CMIP: variants seen among roughly 807,000 people sequenced by gnomAD.
CMIP encodes C-Maf-inducing protein.
A neutral mutation model predicts 97.3 loss-of-function variants in CMIP; 13 were observed. The observed-to-expected ratio is 0.13, with a 90% CI of 0.09 to 0.21. The LOEUF (loss-of-function observed/expected upper bound fraction) is 0.21, where lower values mean the gene tolerates loss of function less well. Ranked by LOEUF, CMIP falls within the 10% of genes least tolerant of loss-of-function variation. The pLI, the probability that CMIP is intolerant of heterozygous loss-of-function variation, is 1.00. For synonymous variants in CMIP, 538 were observed against 436.3 expected, an observed-to-expected ratio of 1.23 and a Z score of -2.91; for missense variants, 847 against 1,024.9, an observed-to-expected ratio of 0.83 and a Z score of 2.37.
Position 81,570,968 on chromosome 16 carries a change from A to G in CMIP, c.301-36599A>G, listed in dbSNP as rs1313365018. ...TCGTGAAACAGAAAAGGGACATTAG[A>G]GAAAAAAACTGAGGAACTCTGAATC... On this transcript the variant is annotated intron_variant, in intron 1 of 20. Coordinates refer to ENST00000537098, the MANE Select transcript of CMIP (RefSeq NM_198390.3). Among the ~76,000 whole-genome samples, 4 of 152,198 alleles carry G rather than the reference A, an allele frequency of 2.6e-5. No homozygotes were observed. The East Asian group carries it at 7.7e-4, about 29-fold the overall frequency.
At chr16:81,473,849 T>C (rs1204398968) in intron 1 of CMIP, among the ~76,000 whole-genome samples, 1 of 149,970 alleles carries the variant, frequency 6.7e-6, no homozygotes, top group Non-Finnish European at 1.5e-5. Flanking sequence ...CTTCAGTAAG[T>C]TGTCTGCCTT....
At position 81,484,429 on chromosome 16, in the gene CMIP, G is replaced by A. The variant is rs145441475; in HGVS notation, c.300+38888G>A. 5.9e-3 allele frequency among the ~76,000 whole-genome samples: 906 copies of A among 152,306 alleles called. 6 individuals carry two copies. The highest frequency in any genetic ancestry group is 8.9e-3 in the Non-Finnish European group (603 of 68,018). On this transcript the variant is annotated intron_variant, in intron 1 of 20. Transcript: ENST00000537098. ...CCGTCTCCCCGACGAAGGGTAGACG[G>A]GTTGGGCGCCGAACGCAGGGTGTTG...
intron 3 of CMIP, among the ~76,000 whole-genome samples, chr16:81,628,172 C>G (rs1038367157): frequency 5.9e-5 from 9 of 152,114 alleles, no homozygotes; most frequent in African/African-American, 2.2e-4. Flanking sequence ...GGCTGTCACC[C>G]CTGGCTCTGA....
At chr16:81,670,785 G>C (rs761387733) in intron 8 of CMIP, among the ~76,000 whole-genome samples, 5 of 152,094 alleles carry the variant, frequency 3.3e-5, no homozygotes, top group African/African-American at 4.8e-5. Flanking sequence ...CGGAAGTCTC[G>C]TGTCAGGCCG....
intron 1 of CMIP, among the ~76,000 whole-genome samples, chr16:81,601,091 C>T (rs2091649563): frequency 6.6e-6 from 1 of 152,148 alleles, no homozygotes; most frequent in South Asian, 2.1e-4. Context: ...GCACATCCAC[C>T]CAGCTGTCAG....
intron 1 of CMIP, among the ~76,000 whole-genome samples, chr16:81,599,963 G>T (rs1261968424): frequency 6.6e-6 from 1 of 152,072 alleles, no homozygotes; most frequent in African/African-American, 2.4e-5. Flanking sequence ...TGCATAGCAG[G>T]TGTCCTTCCT....
chr16:81,536,407 G>T (rs1305528084), intron 1 of CMIP, among the ~76,000 whole-genome samples: 1 of 152,020 alleles, frequency 6.6e-6, no homozygotes, highest in Non-Finnish European at 1.5e-5. Flanking sequence ...TTAACTCGGG[G>T]GCATTATAAA....
At chr16:81,611,771 T>C (rs189576357) in intron 2 of CMIP, among the ~76,000 whole-genome samples, 4 of 152,358 alleles carry the variant, frequency 2.6e-5, no homozygotes, top group African/African-American at 9.6e-5. Context: ...TGTAAAACTC[T>C]TACTTTGTTA....
chr16:81,638,075 C>G (rs1597177901), intron 3 of CMIP, among the ~76,000 whole-genome samples: 1 of 152,126 alleles, frequency 6.6e-6, no homozygotes, highest in East Asian at 1.9e-4. Flanking sequence ...TTTGAAGATA[C>G]AAACATTCAG....
chr16:81,501,594 G>GT (rs1483884276), intron 1 of CMIP, among the ~76,000 whole-genome samples: 6 of 151,288 alleles, frequency 4.0e-5, no homozygotes, highest in Admixed American at 3.9e-4. Flanking sequence ...TGATGCTTAG[G>GT]TTTGACTCTG....
intron 10 of CMIP, among the ~76,000 whole-genome samples, chr16:81,688,360 G>A (rs1905656384): frequency 6.6e-6 from 1 of 152,236 alleles, no homozygotes; most frequent in Non-Finnish European, 1.5e-5. Context: ...ACCCAGGCAG[G>A]CGTTGGCTTT....
chr16:81,680,345 A>T (rs117816267), intron 10 of CMIP, among the ~76,000 whole-genome samples: 4,940 of 152,298 alleles, frequency 0.032, 119 homozygotes, highest in South Asian at 0.051. Context: ...GAGCTGGAGA[A>T]ATGGCTGGGA....
In CMIP at chr16:81,476,314, C is replaced by T. The variant is rs377117396; in HGVS notation, c.300+30773C>T. ...GGACTTGCCACCAGTGCCATTACGG[C>T]GTGTGAAGTCACCACCCTGATACAT... On this transcript the variant is annotated intron_variant, in intron 1 of 20. Transcript: ENST00000537098. 1.3e-4 allele frequency: 202 copies of T among 1,534,690 alleles called. 2 individuals carry two copies. Among genetic ancestry groups the T allele is most frequent in the Middle Eastern group, 6.8e-4 (4 of 5,912 alleles).
chr16:81,505,013 A>T (rs2089682488), intron 1 of CMIP, among the ~76,000 whole-genome samples: 1 of 152,258 alleles, frequency 6.6e-6, no homozygotes, highest in East Asian at 1.9e-4. Flanking sequence ...TGCAACGGTA[A>T]CGGGCAGCGC....
At chr16:81,603,939 A>T (rs974142908) in intron 1 of CMIP, among the ~76,000 whole-genome samples, 68 of 152,250 alleles carry the variant, frequency 4.5e-4, no homozygotes, top group African/African-American at 1.6e-3. Context: ...TATTAAATAA[A>T]TTCTCATCTT....
intron 1 of CMIP, among the ~76,000 whole-genome samples, chr16:81,595,909 G>C (rs2091547740): frequency 6.6e-6 from 1 of 152,112 alleles, no homozygotes; most frequent in African/African-American, 2.4e-5. Flanking sequence ...TCTAGGAGTG[G>C]AATTACTGGG....
In CMIP at chr16:81,495,258, C is replaced by T. The variant is rs534313896; in HGVS notation, c.300+49717C>T. On this transcript the variant is annotated intron_variant, in intron 1 of 20. Transcript: ENST00000537098. ...ACAGACACTGATGGTCAGAGTGGAC[C>T]TCTCAGCCTGGGGGAAGCAGAGGAT... 1.1e-3 allele frequency: 1,496 copies of T among 1,371,994 alleles called. 1 individual carries two copies. The highest frequency in any genetic ancestry group is 1.3e-3 in the Non-Finnish European group (1,311 of 1,048,200). The allele number at this position is 1,371,994 out of a possible 1,614,324, so 85.0% of individuals were successfully genotyped here. A position where few individuals can be genotyped will look rare whatever the true frequency, so the allele number is the denominator to read the frequency against.
chr16:81,702,366 A>G (rs568162365), intron 16 of CMIP, among the ~76,000 whole-genome samples: 8 of 152,178 alleles, frequency 5.3e-5, no homozygotes, highest in East Asian at 1.9e-4. Context: ...AGCTGGATTG[A>G]TAACACCCCT....
At chr16:81,561,042 C>T (rs544439628) in intron 1 of CMIP, among the ~76,000 whole-genome samples, 2 of 152,288 alleles carry the variant, frequency 1.3e-5, no homozygotes, top group South Asian at 2.1e-4. Flanking sequence ...GCAATCTTCA[C>T]CTCCTGGGTT....
Sources: gnomAD v4.1 joint callset for allele counts (sites outside exome capture counted in the v4.1 genomes callset) on GRCh38, gnomAD v4.1.1 for gene constraint, MANE v1.5 for transcripts, NCBI Gene and HGNC (gene_info 2026-07-23, HGNC 2026-07-21) for gene names.